Variants in FOXN3 observed in about 807,000 individuals in gnomAD.
The protein encoded by FOXN3 is forkhead box N3, also known as forkhead box protein N3.
FOXN3 carries 7 observed loss-of-function variants against 38.4 expected under a neutral mutation model. That is an observed-to-expected ratio of 0.18 (90% CI 0.10 to 0.34). The LOEUF (loss-of-function observed/expected upper bound fraction) is 0.34, where lower values mean the gene tolerates loss of function less well. Among genes scored for constraint, FOXN3 ranks in the 10% least tolerant of loss-of-function variants. FOXN3 has a pLI of 1.00. For synonymous variants in FOXN3, 230 were observed against 242.2 expected (o/e 0.95, Z 0.47); for missense variants, 456 against 613.4 (o/e 0.74, Z 2.71).
intron 1 of FOXN3, among the ~76,000 whole-genome samples, chr14:89,618,157 A>G (rs1287900468): frequency 6.6e-6 from 1 of 152,216 alleles, no homozygotes; most frequent in Non-Finnish European, 1.5e-5. Flanking sequence ...GGCACATTTT[A>G]CATTTGCAAT....
intron 4 of FOXN3, among the ~76,000 whole-genome samples, chr14:89,186,667 G>A (rs972852872): frequency 2.0e-5 from 3 of 152,204 alleles, no homozygotes; most frequent in African/African-American, 7.2e-5. Flanking sequence ...GTGAGACATG[G>A]TGGCTCTCCT....
At chr14:89,366,796 C>A (rs149942384) in intron 2 of FOXN3, among the ~76,000 whole-genome samples, 1 of 152,096 alleles carries the variant, frequency 6.6e-6, no homozygotes, top group South Asian at 2.1e-4. Flanking sequence ...GTTTTATGGA[C>A]GGCAATAAAG....
chr14:89,535,312 G>A (rs1894663942), intron 1 of FOXN3, among the ~76,000 whole-genome samples: 1 of 151,690 alleles, frequency 6.6e-6, no homozygotes, highest in Admixed American at 6.6e-5. Context: ...TTTATGAGCA[G>A]CTGAAGGTTG....
At chr14:89,492,859 A>G (rs1053180999) in intron 1 of FOXN3, among the ~76,000 whole-genome samples, 22 of 152,348 alleles carry the variant, frequency 1.4e-4, no homozygotes, top group African/African-American at 2.2e-4. Flanking sequence ...GGCACATTGT[A>G]TCTACCCACT....
At chr14:89,267,710 T>C (rs1886025731) in intron 4 of FOXN3, among the ~76,000 whole-genome samples, 1 of 152,176 alleles carries the variant, frequency 6.6e-6, no homozygotes, top group Non-Finnish European at 1.5e-5. Flanking sequence ...CTAATGAGAC[T>C]CAAAATTGTT....
At chr14:89,347,509 T>C (rs931514224) in intron 3 of FOXN3, among the ~76,000 whole-genome samples, 2 of 152,148 alleles carry the variant, frequency 1.3e-5, no homozygotes, top group Non-Finnish European at 2.9e-5. Context: ...TCCAGAACCT[T>C]GAGACAGTAA....
chr14:89,515,138 G>C (rs1307741937), intron 1 of FOXN3, among the ~76,000 whole-genome samples: 2 of 151,754 alleles, frequency 1.3e-5, no homozygotes, highest in African/African-American at 2.4e-5. Flanking sequence ...AGCCAGGCTG[G>C]TTTCAAACTC....
At chr14:89,220,998 T>A (rs966453364) in intron 4 of FOXN3, among the ~76,000 whole-genome samples, 2 of 152,058 alleles carry the variant, frequency 1.3e-5, no homozygotes, top group Non-Finnish European at 2.9e-5. Flanking sequence ...ATCAGGCTGG[T>A]AGCTGAAAGT....
At chr14:89,564,753 A>C (rs956444276) in intron 1 of FOXN3, among the ~76,000 whole-genome samples, 2 of 151,924 alleles carry the variant, frequency 1.3e-5, no homozygotes, top group African/African-American at 4.9e-5. Flanking sequence ...AGTTAAGATG[A>C]GGTCATCCCG....
intron 1 of FOXN3, among the ~76,000 whole-genome samples, chr14:89,558,620 G>A (rs1205598149): frequency 6.6e-6 from 1 of 152,220 alleles, no homozygotes; most frequent in Non-Finnish European, 1.5e-5. Context: ...TAGGTGATGA[G>A]GATTCTGGGA....
At chr14:89,556,659 G>A (rs936554408) in intron 1 of FOXN3, among the ~76,000 whole-genome samples, 1 of 152,154 alleles carries the variant, frequency 6.6e-6, no homozygotes, top group African/African-American at 2.4e-5. Context: ...GGCAAAGAAT[G>A]TACCCAAAGG....
intron 1 of FOXN3, among the ~76,000 whole-genome samples, chr14:89,436,180 T>C (rs1037716073): frequency 6.6e-6 from 1 of 151,400 alleles, no homozygotes; most frequent in Non-Finnish European, 1.5e-5. Context: ...GGAAGAAAGT[T>C]ACCAATGCTG....
intron 4 of FOXN3, among the ~76,000 whole-genome samples, chr14:89,205,108 G>A (rs1888345519): frequency 6.6e-6 from 1 of 151,946 alleles, no homozygotes; most frequent in South Asian, 2.1e-4. Flanking sequence ...TGCATGTCAG[G>A]AGTCTACTTT....
chr14:89,513,150 G>GAAAAAA (rs36003791), intron 1 of FOXN3, among the ~76,000 whole-genome samples: 23 of 102,008 alleles, frequency 2.3e-4, no homozygotes, highest in South Asian at 4.0e-4. Context: ...TCCATCTCAG[G>GAAAAAA]AAAAAAAAAA....
At chr14:89,505,919 C>T (rs1198520946) in intron 1 of FOXN3, among the ~76,000 whole-genome samples, 8 of 147,566 alleles carry the variant, frequency 5.4e-5, no homozygotes, top group Non-Finnish European at 1.2e-4. Flanking sequence ...CGTCTCTGCC[C>T]GGCCGCCCCG....
In FOXN3 at chr14:89,171,847, C is replaced by A. The variant is rs571123895; in HGVS notation, c.851+8854G>T. Among the ~76,000 whole-genome samples the A allele has an allele frequency of 2.0e-5, 3 of 152,124 alleles. No homozygotes were observed. The South Asian group carries it at 6.2e-4, about 32-fold the overall frequency. ...GAAATAACACAAAGATGCCTGTTAT[C>A]ATAACTTCTATTCAGAGGTCCTGGA... On this transcript the variant is annotated intron_variant, in intron 5 of 5. Transcript: ENST00000557258.
At chr14:89,341,288 A>T (rs1472236444) in intron 3 of FOXN3, among the ~76,000 whole-genome samples, 2 of 152,020 alleles carry the variant, frequency 1.3e-5, no homozygotes, top group Non-Finnish European at 2.9e-5. Flanking sequence ...CTTGACCCCA[A>T]ATCCTTCTTT....
intron 5 of FOXN3, among the ~76,000 whole-genome samples, chr14:89,180,434 C>T (rs1032297092): frequency 6.6e-6 from 1 of 152,278 alleles, no homozygotes; most frequent in African/African-American, 2.4e-5. Flanking sequence ...CCACCTCTTA[C>T]CCTGCCTTCT....
At chr14:89,611,542 C>T (rs1445489279) in intron 1 of FOXN3, among the ~76,000 whole-genome samples, 1 of 152,200 alleles carries the variant, frequency 6.6e-6, no homozygotes. Flanking sequence ...CGCGGTGGCT[C>T]ACGCCTGTAA....
Sources: allele counts gnomAD v4.1 joint callset (sites outside exome capture counted in the v4.1 genomes callset), GRCh38; gene constraint gnomAD v4.1.1; transcripts MANE v1.5; gene names NCBI Gene and HGNC (gene_info 2026-07-23, HGNC 2026-07-21).